CASP6: variants seen among roughly 807,000 people sequenced by gnomAD.
The protein encoded by CASP6 is caspase 6.
In CASP6, 20 loss-of-function variants were observed where a neutral mutation model predicts 31.8. The observed-to-expected ratio is 0.63, with a 90% confidence interval of 0.44 to 0.91. CASP6 has a LOEUF of 0.91. Ranked by LOEUF, CASP6 falls within the 40% of genes least tolerant of loss-of-function variation. The pLI, the probability that CASP6 is intolerant of heterozygous loss-of-function variation, is 0.00. For synonymous variants in CASP6, 130 were observed against 127.8 expected (o/e 1.02, Z -0.12); for missense variants, 328 against 361.1 (o/e 0.91, Z 0.74).
chr4:109,698,712 G>C (rs1352534831), intron 1 of CASP6, among the ~76,000 whole-genome samples: 3 of 152,084 alleles, frequency 2.0e-5, no homozygotes, highest in Admixed American at 2.0e-4. Context: ...TTCTGAAAAA[G>C]AATTAAGTCC....
Position 109,696,414 on chromosome 4 carries a change from A to G in CASP6, c.303T>C (p.His101=), listed in dbSNP as rs574926307. The G allele has an allele frequency of 1.6e-4, 260 of 1,611,086 alleles. 2 individuals are homozygous for G. The South Asian group carries it at 2.7e-3, about 17-fold the overall frequency. Residue 101 remains histidine, a synonymous_variant, in exon 4 of 7, where the codon CAT becomes CAC. Coordinates refer to ENST00000265164, the MANE Select transcript of CASP6 (RefSeq NM_001226.4). ...LKAEELLLKI[H]EVSTVSHADA... ...TATGATAGCAAAACTACCTACCCTCATGAATTTTGAGCAGTAGTTCTTCTG... is the reference window on the plus strand; with the variant it reads ...TATGATAGCAAAACTACCTACCCTCGTGAATTTTGAGCAGTAGTTCTTCTG...
At chr4:109,701,073 T>C (rs1273873402) in intron 1 of CASP6, among the ~76,000 whole-genome samples, 1 of 152,168 alleles carries the variant, frequency 6.6e-6, no homozygotes, top group Non-Finnish European at 1.5e-5. Flanking sequence ...TTCTCCCGCC[T>C]CAGCCTCCTG....
At chr4:109,685,207 C>A, downstream of CASP6, 1 of 811,782 alleles carries the variant, frequency 1.2e-6, no homozygotes, top group Non-Finnish European at 2.1e-6. Context: ...GCATTATGTT[C>A]ATTCAAAACA....
At chr4:109,698,204 T>A (rs1561262094) in intron 2 of CASP6, 96 bp downstream of exon 2, 1 of 1,348,064 alleles carries the variant, frequency 7.4e-7, no homozygotes, top group Non-Finnish European at 1.0e-6. Context: ...TCAGTTTTAC[T>A]TCCTAGCTCC....
chr4:109,679,787 T>TTTGTTG, the CASP6 span, among the ~76,000 whole-genome samples: 298 of 151,670 alleles, frequency 2.0e-3, 1 homozygote, highest in African/African-American at 6.5e-3. Flanking sequence ...GAGGTATAAT[T>TTTGTTG]TTGTTGTTGT....
intron 1 of CASP6, among the ~76,000 whole-genome samples, chr4:109,702,220 A>G (rs1364433815): frequency 6.6e-6 from 1 of 152,146 alleles, no homozygotes; most frequent in Non-Finnish European, 1.5e-5. Context: ...CTCCTCTACG[A>G]CCATGTGACT....
At chr4:109,698,365 G>C in intron 1 of CASP6, 23 bp from the exon 2 acceptor site, 1 of 1,603,586 alleles carries the variant, frequency 6.2e-7, no homozygotes, top group East Asian at 2.2e-5. Context: ...GTTGATTTTT[G>C]TTAATTATTT....
intron 5 of CASP6, among the ~76,000 whole-genome samples, chr4:109,691,443 T>C (rs1730052811): frequency 1.3e-5 from 2 of 152,300 alleles, no homozygotes; most frequent in East Asian, 3.9e-4. Context: ...TATAAATTGT[T>C]AGGAGTTAAA....
upstream of CASP6, among the ~76,000 whole-genome samples, chr4:109,704,632 G>A (rs1038014528): frequency 2.1e-4 from 32 of 152,246 alleles, no homozygotes; most frequent in Admixed American, 6.5e-4. Flanking sequence ...AGTGCAAGGT[G>A]AAGCAGCAGG....
chr4:109,678,045 T>G, the CASP6 span, among the ~76,000 whole-genome samples: 5 of 152,028 alleles, frequency 3.3e-5, no homozygotes, highest in Admixed American at 3.3e-4. Flanking sequence ...CCTTCAGGCA[T>G]CTGTTTAACA....
chr4:109,670,648 G>A, the CASP6 span, among the ~76,000 whole-genome samples: 12 of 151,932 alleles, frequency 7.9e-5, no homozygotes, highest in East Asian at 5.8e-4. Flanking sequence ...CCCGGAAGGC[G>A]GAAGCTGCAG....
At position 109,690,247 on chromosome 4, in the gene CASP6, A is replaced by AAAAAAAC. The variant is rs61007363; in HGVS notation, c.643+602_643+603insGTTTTTT. On this transcript the variant is annotated intron_variant, in intron 6 of 6. Transcript: ENST00000265164. The stretch of plus-strand genomic sequence containing the variant: ...ACAGAGTGAGACTATAAAAAAAAAA[A>AAAAAAAC]ACGCACGCACGCACGCAATGGCTCA... Among the ~76,000 whole-genome samples the AAAAAAAC allele has an allele frequency of 3.8e-4, 54 of 143,410 alleles. 1 individual carries two copies. The highest frequency in any genetic ancestry group is 1.3e-3 in the African/African-American group (48 of 37,840). 94.1% of individuals were successfully genotyped at this position (143,410 alleles called of 152,430 possible).
At position 109,689,305 on chromosome 4, in the gene CASP6, T is replaced by C; in HGVS notation, c.*25A>G. The C allele has an allele frequency of 6.2e-7, 1 of 1,602,366 alleles. No individual in the cohort carries two copies. The highest frequency in any genetic ancestry group is 8.5e-7 in the Non-Finnish European group (1 of 1,170,214). On this transcript the variant is annotated 3_prime_UTR_variant, in exon 7 of 7. Transcript: ENST00000265164. ...TGAGAAAGCCATTTTCAATACAGAG[T>C]GTAAAATTAGATAGCCTCTATTAAT...
chr4:109,696,696 T>C (rs1032002677), intron 3 of CASP6, among the ~76,000 whole-genome samples: 1 of 152,196 alleles, frequency 6.6e-6, no homozygotes, highest in African/African-American at 2.4e-5. Flanking sequence ...ATTTAGAGTG[T>C]TGTTGTCTAC....
upstream of CASP6, among the ~76,000 whole-genome samples, chr4:109,706,170 T>TATATATATATAC (rs1452145399): frequency 1.6e-4 from 14 of 89,038 alleles, no homozygotes; most frequent in South Asian, 3.3e-4. Flanking sequence ...TATATATATA[T>TATATATATATAC]ACACACACAC....
At chr4:109,678,138 G>A in the CASP6 span, among the ~76,000 whole-genome samples, 1 of 151,964 alleles carries the variant, frequency 6.6e-6, no homozygotes, top group South Asian at 2.1e-4. Flanking sequence ...TTGGGGGTAA[G>A]GTTATAGATT....
At chr4:109,673,587 A>G in the CASP6 span, among the ~76,000 whole-genome samples, 1 of 152,266 alleles carries the variant, frequency 6.6e-6, no homozygotes, top group Non-Finnish European at 1.5e-5. Flanking sequence ...TGGCAGAGGA[A>G]TCATACTGGA....
intron 5 of CASP6, 87 bp from the exon 6 acceptor site, chr4:109,691,096 C>A: frequency 7.3e-7 from 1 of 1,367,792 alleles, no homozygotes; most frequent in South Asian, 1.5e-5. Flanking sequence ...TAAGCCAGTA[C>A]CCCTTCATTA....
the CASP6 span, among the ~76,000 whole-genome samples, chr4:109,675,411 A>G: frequency 6.6e-6 from 1 of 152,164 alleles, no homozygotes; most frequent in Non-Finnish European, 1.5e-5. Context: ...CCCCCCTCAC[A>G]CCACACACAC....
Sources: allele counts gnomAD v4.1 joint callset (sites outside exome capture counted in the v4.1 genomes callset), GRCh38; gene constraint gnomAD v4.1.1; transcripts MANE v1.5; gene names NCBI Gene and HGNC (gene_info 2026-07-23, HGNC 2026-07-21).